POLA1: variants seen among roughly 807,000 people sequenced by gnomAD.
POLA1 encodes the protein DNA polymerase alpha 1, catalytic subunit, also known as DNA polymerase alpha catalytic subunit.
A neutral mutation model predicts 124.0 loss-of-function variants in POLA1; 15 were observed. The observed-to-expected ratio is 0.12, with a 90% CI of 0.08 to 0.19. The LOEUF is 0.19. POLA1 is among the 10% of genes least tolerant of loss of function. POLA1 has a pLI of 1.00. For missense variants in POLA1, 886 were observed against 1,103.4 expected (o/e 0.80, Z 2.79); for synonymous variants, 408 against 389.4 (o/e 1.05, Z -0.56).
At chrX:24,695,718 TC>T (rs1446388858) in intron 1 of POLA1, among the ~76,000 whole-genome samples, 1 of 111,723 alleles carries the variant, frequency 9.0e-6, no homozygotes, top group African/African-American at 3.3e-5. Flanking sequence ...TGTCAGGTGA[TC>T]CACCTGTCTC....
intron 35 of POLA1, among the ~76,000 whole-genome samples, chrX:24,892,939 A>G (rs763660529): frequency 7.1e-5 from 8 of 112,155 alleles, no homozygotes; most frequent in Non-Finnish European, 1.3e-4. Flanking sequence ...TAAAATTGCT[A>G]AAGTCTATTA....
chrX:24,718,671 T>C (rs1930005473), intron 10 of POLA1, among the ~76,000 whole-genome samples: 1 of 109,709 alleles, frequency 9.1e-6, no homozygotes, highest in East Asian at 2.8e-4. Context: ...GGAACAGTGG[T>C]TTGTGTAGAG....
chrX:24,777,115 A>G, intron 26 of POLA1, among the ~76,000 whole-genome samples: 1 of 112,441 alleles, frequency 8.9e-6, no homozygotes, highest in Non-Finnish European at 1.9e-5. Flanking sequence ...TACTGGTAAT[A>G]GGCAGACTTA....
intron 26 of POLA1, among the ~76,000 whole-genome samples, chrX:24,794,874 T>A (rs189334548): frequency 0.049 from 5,435 of 110,319 alleles, 145 homozygotes; most frequent in East Asian, 0.16. Flanking sequence ...TTTTTTTTTT[T>A]AAAAGTGTTT....
At chrX:24,947,385 A>G (rs2047979833) in intron 36 of POLA1, among the ~76,000 whole-genome samples, 1 of 101,785 alleles carries the variant, frequency 9.8e-6, no homozygotes. Flanking sequence ...CTCCCACTTA[A>G]GCCTCCCAAG....
intron 26 of POLA1, among the ~76,000 whole-genome samples, chrX:24,751,910 T>TAGAA (rs762802013): frequency 1.8e-5 from 2 of 111,890 alleles, no homozygotes; most frequent in East Asian, 5.6e-4. Flanking sequence ...AACCTGCAGA[T>TAGAA]CTTACAAATT....
intron 34 of POLA1, among the ~76,000 whole-genome samples, chrX:24,863,486 G>A (rs1464122733): frequency 8.9e-6 from 1 of 111,801 alleles, no homozygotes; most frequent in Admixed American, 9.5e-5. Flanking sequence ...ATAATTGAGG[G>A]AATACTTGCC....
intron 36 of POLA1, among the ~76,000 whole-genome samples, chrX:24,937,760 C>T (rs1344275205): frequency 3.6e-5 from 4 of 111,911 alleles, no homozygotes; most frequent in Non-Finnish European, 7.5e-5. Flanking sequence ...GATTCCTCCG[C>T]GTGTTAAAGT....
chrX:24,928,381 A>G (rs1318089319), intron 35 of POLA1, among the ~76,000 whole-genome samples: 3 of 112,053 alleles, frequency 2.7e-5, no homozygotes, highest in African/African-American at 9.7e-5. Context: ...ACAAGCAGCT[A>G]TATTGACCCA....
chrX:24,826,570 A>G lies in POLA1; in HGVS notation c.3705A>G (p.Gly1235=). Residue 1235 remains glycine (G), a synonymous_variant, in exon 32 of 37, where the codon GGA becomes GGG. Coordinates refer to ENST00000379068, the MANE Select transcript of POLA1 (RefSeq NM_001330360.2). ...CTCGGATCTGTGAACCAATAGACGG[A>G]ATTGATGCTGTCCTCATTGCAACGT... ...VVARICEPID[G]IDAVLIATWL... The G allele has an allele frequency of 1.7e-6, 2 of 1,206,322 alleles. No individual in the cohort carries two copies. Among genetic ancestry groups the G allele is most frequent in the Non-Finnish European group, 2.2e-6 (2 of 892,422 alleles).
intron 4 of POLA1, among the ~76,000 whole-genome samples, chrX:24,705,017 A>G (rs1459156022): frequency 1.8e-5 from 2 of 110,074 alleles, no homozygotes; most frequent in Non-Finnish European, 3.8e-5. Context: ...TCTCTTCAGT[A>G]TTTTTTTTTG....
At chrX:24,703,710 A>G (rs935456992) in intron 3 of POLA1, among the ~76,000 whole-genome samples, 5 of 112,120 alleles carry the variant, frequency 4.5e-5, no homozygotes, top group African/African-American at 6.5e-5. Flanking sequence ...TTCCAATTCT[A>G]TGACCTTGGA....
At chrX:24,754,874 A>G (rs1405957477) in intron 26 of POLA1, among the ~76,000 whole-genome samples, 1 of 112,626 alleles carries the variant, frequency 8.9e-6, no homozygotes, top group African/African-American at 3.2e-5. Flanking sequence ...ACATTTTTAG[A>G]TTTGATTCAT....
At chrX:24,738,940 G>A (rs1010478241) in intron 19 of POLA1, among the ~76,000 whole-genome samples, 2 of 110,741 alleles carry the variant, frequency 1.8e-5, no homozygotes, top group African/African-American at 6.6e-5. Context: ...GTTGTTATTA[G>A]CACTTCATCT....
intron 26 of POLA1, among the ~76,000 whole-genome samples, chrX:24,793,248 G>C (rs1329232461): frequency 1.3e-5 from 1 of 77,584 alleles, no homozygotes; most frequent in Non-Finnish European, 2.2e-5. Context: ...TTGCACTCCA[G>C]CCTGAATGAG....
In POLA1 at chrX:24,995,359, C is replaced by T. The variant is rs185574393; in HGVS notation, c.4262-446C>T. Among the ~76,000 whole-genome samples the T allele has an allele frequency of 1.9e-3, 216 of 112,125 alleles. 1 individual carries two copies. The highest frequency in any genetic ancestry group is 6.5e-3 in the African/African-American group (200 of 30,861). ...GGCTGGAGGGACTAGAAAATGCTTA[C>T]TAGGCCCAGCTGATCTGGGGAGTTG... On this transcript the variant is annotated intron_variant, in intron 36 of 36. Coordinates refer to ENST00000379068, the MANE Select transcript of POLA1 (RefSeq NM_001330360.2).
intron 34 of POLA1, among the ~76,000 whole-genome samples, chrX:24,863,222 G>T (rs2046742123): frequency 9.2e-6 from 1 of 108,712 alleles, no homozygotes; most frequent in Non-Finnish European, 1.9e-5. Flanking sequence ...GAATGAAATA[G>T]CTGCTATCTT....
At chrX:24,934,336 G>A (rs1266458785) in intron 36 of POLA1, among the ~76,000 whole-genome samples, 2 of 112,024 alleles carry the variant, frequency 1.8e-5, no homozygotes, top group Admixed American at 1.9e-4. Flanking sequence ...AGGAACAAAG[G>A]TGGATGGCCA....
At chrX:24,817,639 G>A (rs1601763695) in intron 30 of POLA1, among the ~76,000 whole-genome samples, 1 of 105,568 alleles carries the variant, frequency 9.5e-6, no homozygotes, top group Non-Finnish European at 1.9e-5. Context: ...AAAGAAAAAT[G>A]TATTTACTGT....
Sources: allele counts gnomAD v4.1 joint callset (sites outside exome capture counted in the v4.1 genomes callset), GRCh38; gene constraint gnomAD v4.1.1; transcripts MANE v1.5; gene names NCBI Gene and HGNC (gene_info 2026-07-23, HGNC 2026-07-21).